AP3B1: variants seen among roughly 807,000 people sequenced by gnomAD.
AP3B1 encodes adaptor related protein complex 3 subunit beta 1.
A neutral mutation model predicts 132.5 loss-of-function variants in AP3B1; 61 were observed. The observed-to-expected ratio is 0.46, with a 90% CI of 0.37 to 0.57. AP3B1 has a LOEUF of 0.57. AP3B1 is among the 20% of genes least tolerant of loss of function. AP3B1 has a pLI of 0.00. For missense variants in AP3B1, 1,120 were observed against 1,289.4 expected (o/e 0.87, Z 2.01); for synonymous variants, 388 against 438.3 (o/e 0.89, Z 1.43).
intron 7 of AP3B1, among the ~76,000 whole-genome samples, chr5:78,203,241 TG>T (rs1250398554): frequency 2.0e-5 from 3 of 152,166 alleles, no homozygotes; most frequent in African/African-American, 7.2e-5. Context: ...TACCCAAGAC[TG>T]GATAATTTAT....
chr5:78,020,604 C>A (rs1747049299), intron 25 of AP3B1, 88 bp downstream of exon 25: 1 of 1,046,096 alleles, frequency 9.6e-7, no homozygotes, highest in Admixed American at 1.9e-5. Context: ...TGGCTATGTA[C>A]CTATGAAAAT....
chr5:78,058,196 G>GT (rs1431681880), intron 22 of AP3B1, among the ~76,000 whole-genome samples: 2 of 152,124 alleles, frequency 1.3e-5, no homozygotes, highest in Non-Finnish European at 2.9e-5. Flanking sequence ...TGAGATAAAT[G>GT]TTTCACTGAG....
chr5:78,047,539 A>G (rs975605319), intron 22 of AP3B1, among the ~76,000 whole-genome samples: 2 of 151,854 alleles, frequency 1.3e-5, no homozygotes, highest in African/African-American at 4.8e-5. Context: ...CCACTTTTTG[A>G]TGGGGTTGTT....
Position 78,240,076 on chromosome 5 carries a change from C to G in AP3B1, c.279+786G>C, listed in dbSNP as rs145707333. Among the ~76,000 whole-genome samples, 957 of 152,340 alleles carry G rather than the reference C, an allele frequency of 6.3e-3. 8 individuals carry two copies. Among genetic ancestry groups the G allele is most frequent in the South Asian group, 0.022 (107 of 4,828 alleles). ...CACCCATCCTCCTTACGCTCTCACACTTGCCCGTGCAAGAATGCTTGTGCA... is the reference window on the plus strand; with the variant it reads ...CACCCATCCTCCTTACGCTCTCACAGTTGCCCGTGCAAGAATGCTTGTGCA... On this transcript the variant is annotated intron_variant, in intron 3 of 26. Transcript: ENST00000255194.
intron 1 of AP3B1, among the ~76,000 whole-genome samples, chr5:78,269,083 G>A (rs570685849): frequency 6.6e-6 from 1 of 152,214 alleles, no homozygotes; most frequent in East Asian, 1.9e-4. Flanking sequence ...TCATTACGTA[G>A]ATTCAAATAT....
At chr5:78,271,900 AGC>A (rs1748559709) in intron 1 of AP3B1, among the ~76,000 whole-genome samples, 1 of 152,250 alleles carries the variant, frequency 6.6e-6, no homozygotes, top group Non-Finnish European at 1.5e-5. Flanking sequence ...GGCCCTGCAA[AGC>A]AGCCTTTTGT....
Position 78,165,598 on chromosome 5 carries a change from C to T in AP3B1, c.1230+12G>A, listed in dbSNP as rs1257468088. 9 of 1,594,018 alleles carry T rather than the reference C, an allele frequency of 5.6e-6. No homozygotes were observed. The African/African-American group carries it at 1.2e-4, about 21-fold the overall frequency. On this transcript the variant is annotated intron_variant, in intron 12 of 26. Coordinates refer to ENST00000255194, the MANE Select transcript of AP3B1 (RefSeq NM_003664.5). ...TTTTAGAAGTTTTTTATAATTAGCA[C>T]TGTACACAAACCTGAAATTCTCGAA...
chr5:78,141,119 GGT>G (rs762996232), intron 15 of AP3B1, 22 bp downstream of exon 15: 89 of 1,607,240 alleles, frequency 5.5e-5, no homozygotes, highest in Non-Finnish European at 6.6e-5. Context: ...GTATTAGATA[GGT>G]TGACTAACAT....
chr5:78,068,047 T>C (rs1332521081), intron 22 of AP3B1, among the ~76,000 whole-genome samples: 1 of 151,750 alleles, frequency 6.6e-6, no homozygotes, highest in Non-Finnish European at 1.5e-5. Context: ...AAAAGAGGCC[T>C]GGTGTGGTGG....
intron 7 of AP3B1, among the ~76,000 whole-genome samples, chr5:78,196,918 T>C (rs1745097278): frequency 6.6e-6 from 1 of 152,208 alleles, no homozygotes; most frequent in South Asian, 2.1e-4. Flanking sequence ...GCAGCAAAAC[T>C]ATTGTGTATG....
intron 17 of AP3B1, among the ~76,000 whole-genome samples, chr5:78,118,951 G>T (rs1024158812): frequency 6.6e-6 from 1 of 152,250 alleles, no homozygotes; most frequent in Admixed American, 6.5e-5. Flanking sequence ...CACCTCACAC[G>T]GCCGGGTACT....
intron 11 of AP3B1, among the ~76,000 whole-genome samples, chr5:78,167,054 C>A (rs1341744492): frequency 6.6e-6 from 1 of 152,170 alleles, no homozygotes; most frequent in Admixed American, 6.5e-5. Context: ...GCAGAGTTAA[C>A]AGACAACCCA....
chr5:78,088,616 A>G (rs957616897), intron 22 of AP3B1, among the ~76,000 whole-genome samples: 8 of 152,200 alleles, frequency 5.3e-5, no homozygotes, highest in African/African-American at 1.9e-4. Flanking sequence ...GTACCCTGCC[A>G]GCCCTGAGAA....
At chr5:78,237,080 C>A (rs1314965340) in intron 3 of AP3B1, among the ~76,000 whole-genome samples, 1 of 152,164 alleles carries the variant, frequency 6.6e-6, no homozygotes, top group Admixed American at 6.5e-5. Flanking sequence ...AAACTGGCCA[C>A]AAGAATACAA....
intron 15 of AP3B1, among the ~76,000 whole-genome samples, chr5:78,137,989 A>T (rs1174905313): frequency 3.9e-5 from 6 of 152,138 alleles, no homozygotes; most frequent in African/African-American, 1.4e-4. Context: ...ACGGCAAACC[A>T]GCTACTCATC....
At position 78,110,287 on chromosome 5, in the gene AP3B1, T is replaced by G; in HGVS notation, c.2317A>C (p.Ser773Arg). The G allele has an allele frequency of 6.2e-7, 1 of 1,609,124 alleles. No homozygotes were observed. The highest frequency in any genetic ancestry group is 8.5e-7 in the Non-Finnish European group (1 of 1,176,632). ...KTSDSSNDES[S>R]SIEDSSSDSE... ...TCGGAAGAACTGTCTTCTATTGAAC[T>G]AGATTCGTCATTTGAAGAATCTGAA... The change falls in exon 20 of 27, where the codon AGT (serine) becomes CGT (arginine). Residue 773 changes from serine (S) to arginine (R), a missense_variant. Transcript: ENST00000255194.
At chr5:78,112,842 T>C (rs572011948) in intron 19 of AP3B1, among the ~76,000 whole-genome samples, 13 of 152,336 alleles carry the variant, frequency 8.5e-5, no homozygotes, top group African/African-American at 3.1e-4. Context: ...AATTTACTGG[T>C]AACTAGGTTT....
At position 78,116,232 on chromosome 5, in the gene AP3B1, T is replaced by G. The variant is rs1221338238; in HGVS notation, c.1971A>C (p.Ala657=). 1.2e-6 allele frequency: 2 copies of G among 1,611,422 alleles called. No individual in the cohort carries two copies. Among genetic ancestry groups the G allele is most frequent in the Non-Finnish European group, 1.7e-6 (2 of 1,177,804 alleles). ...SVRNVEVIEL[A]KEWTPAGKAK... is the part of the protein sequence containing the mutation. ...CTTTTCCTGCTGGGGTCCATTCTTT[T>G]GCCTGTTTAAACAAATAAAGTAAAT... The change falls in exon 18 of 27, where the codon GCA becomes GCC. Residue 657 remains alanine (A), a splice_region_variant and synonymous_variant. Coordinates refer to ENST00000255194, the MANE Select transcript of AP3B1 (RefSeq NM_003664.5).
chr5:78,228,059 G>T, intron 4 of AP3B1, 85 bp downstream of exon 4: 2 of 890,010 alleles, frequency 2.2e-6, no homozygotes, highest in African/African-American at 1.7e-5. Context: ...GCTATTTAGT[G>T]GATTATCGCT....
Sources: gnomAD v4.1 joint callset for allele counts (sites outside exome capture counted in the v4.1 genomes callset) on GRCh38, gnomAD v4.1.1 for gene constraint, MANE v1.5 for transcripts, NCBI Gene and HGNC (gene_info 2026-07-23, HGNC 2026-07-21) for gene names.